NINJ2: variants seen among roughly 807,000 people sequenced by gnomAD.
NINJ2 encodes ninjurin 2.
In NINJ2, 12 loss-of-function variants were observed where a neutral mutation model predicts 11.7. The observed-to-expected ratio is 1.02, with a 90% CI of 0.66 to 1.66. NINJ2 has a LOEUF of 1.66. Ranked by LOEUF, NINJ2 falls within the 40% of genes most tolerant of loss-of-function variation. NINJ2 has a pLI of 0.00. For synonymous variants in NINJ2, 93 were observed against 76.8 expected, an observed-to-expected ratio of 1.21 and a Z score of -1.10; for missense variants, 187 against 181.8, an observed-to-expected ratio of 1.03 and a Z score of -0.16.
rs1432206729 is a variant in NINJ2 at position 614,447 on chromosome 12, CA to C, written c.34-48270del. Among the ~76,000 whole-genome samples, 1 of 151,730 alleles carries C rather than the reference CA, an allele frequency of 6.6e-6. No homozygotes were observed. Among genetic ancestry groups the C allele is most frequent in the Non-Finnish European group, 1.5e-5 (1 of 67,970 alleles). On this transcript the variant is annotated intron_variant, in intron 1 of 3. Transcript: ENST00000305108. This position sits in a 1 kb window ranked among gnomAD's most constrained non-coding sequence, Gnocchi z 5.1. ...ATCATCTGTGCGTGAGCTTCATGCC[CA>C]GGGGACATGGTGGGGTGGGGGTGGC...
chr12:565,319 A>G lies in NINJ2; in HGVS notation c.345T>C (p.Thr115=). The G allele has an allele frequency of 1.9e-6, 3 of 1,614,224 alleles. No homozygotes were observed. Among genetic ancestry groups the G allele is most frequent in the Non-Finnish European group, 2.5e-6 (3 of 1,180,032 alleles). ...CTGTAATGAAAACATTGATGACCACAGTGAAGAAGACCAAGATGGTGGCTG... is the reference window on the plus strand; with the variant it reads ...CTGTAATGAAAACATTGATGACCACGGTGAAGAAGACCAAGATGGTGGCTG... ...NNAATILVFF[T]VVINVFITAF... The change falls in exon 3 of 4, where the codon ACT becomes ACC. Residue 115 remains threonine (T), a synonymous_variant. Transcript: ENST00000305108.
At chr12:615,381 G>C (rs1372381810) in intron 1 of NINJ2, among the ~76,000 whole-genome samples, 3 of 152,084 alleles carry the variant, frequency 2.0e-5, no homozygotes, top group Non-Finnish European at 4.4e-5. Flanking sequence ...CTGAGGTCAG[G>C]AGTTCAAGAC....
intron 1 of NINJ2, among the ~76,000 whole-genome samples, chr12:574,468 G>T (rs1267050428): frequency 6.6e-6 from 1 of 152,108 alleles, no homozygotes; most frequent in East Asian, 1.9e-4. Context: ...ACTTTAAGAG[G>T]CAATTGGGTC....
At chr12:657,054 A>T (rs1937882352) in intron 1 of NINJ2, among the ~76,000 whole-genome samples, 1 of 152,228 alleles carries the variant, frequency 6.6e-6, no homozygotes, top group Non-Finnish European at 1.5e-5. Flanking sequence ...CTCATAAATG[A>T]TAATATAGGA....
rs1947629604 is a variant in NINJ2, at chr12:585,815, T to A, written c.34-19637A>T. On this transcript the variant is annotated intron_variant, in intron 1 of 3. Coordinates refer to ENST00000305108, the MANE Select transcript of NINJ2 (RefSeq NM_016533.6). This position sits in a 1 kb window ranked among gnomAD's most constrained non-coding sequence, Gnocchi z 4.1. ...CGGAGTTTGTGATTAATTACGGGAA[T>A]GGGTGCCAAGTGAGAGATACAAAGG... The A allele has an allele frequency of 1.3e-5, 2 of 152,266 alleles. No individual in the cohort carries two copies. The allele number at this position is 152,266 out of a possible 1,614,324, so 9.4% of individuals were successfully genotyped here. A position where few individuals can be genotyped will look rare whatever the true frequency, so the allele number is the denominator to read the frequency against.
Position 633,610 on chromosome 12 carries a change from G to A in NINJ2, c.33+29718C>T, listed in dbSNP as rs1412354498. ...GCAGGCAGATCACTTGAGGCCAGGA[G>A]TTCAAGACCAGCCTGGCCAACACGG... is the stretch of plus-strand genomic sequence containing the variant. On this transcript the variant is annotated intron_variant, in intron 1 of 3. Coordinates refer to ENST00000305108, the MANE Select transcript of NINJ2 (RefSeq NM_016533.6). This position sits in a 1 kb window ranked among gnomAD's most constrained non-coding sequence, Gnocchi z 4.3. Among the ~76,000 whole-genome samples, 5 of 152,192 alleles carry A rather than the reference G, an allele frequency of 3.3e-5. No homozygotes were observed. Among genetic ancestry groups the A allele is most frequent in the African/African-American group, 1.2e-4 (5 of 41,446 alleles).
At chr12:564,849 T>C (rs1437630854) in intron 3 of NINJ2, among the ~76,000 whole-genome samples, 168 bp from the exon 4 acceptor site, 1 of 152,238 alleles carries the variant, frequency 6.6e-6, no homozygotes, top group Non-Finnish European at 1.5e-5. Flanking sequence ...CTGGGTGGTT[T>C]GTGGATGCTG....
intron 1 of NINJ2, among the ~76,000 whole-genome samples, chr12:577,357 A>C (rs907981710): frequency 1.4e-5 from 2 of 147,960 alleles, no homozygotes; most frequent in East Asian, 3.9e-4. Flanking sequence ...AATATTTTCA[A>C]CTTACTATGG....
intron 1 of NINJ2, among the ~76,000 whole-genome samples, chr12:608,750 G>A (rs909487932): frequency 1.3e-5 from 2 of 152,160 alleles, no homozygotes; most frequent in African/African-American, 2.4e-5. Context: ...CAAGAGCTGA[G>A]GTGTCAGAGG....
chr12:583,325 C>T (rs1000686052), intron 1 of NINJ2, among the ~76,000 whole-genome samples: 2 of 152,228 alleles, frequency 1.3e-5, no homozygotes, highest in Non-Finnish European at 2.9e-5. Flanking sequence ...CAGGGCGATG[C>T]CCCAGGGCAG....
At chr12:657,938 A>G (rs2120544255) in intron 1 of NINJ2, among the ~76,000 whole-genome samples, 1 of 146,882 alleles carries the variant, frequency 6.8e-6, no homozygotes, top group East Asian at 2.1e-4. Flanking sequence ...AATCCTTGGT[A>G]TCTTCCCAAA....
chr12:611,123 G>A (rs1033700703), intron 1 of NINJ2, among the ~76,000 whole-genome samples: 1 of 152,138 alleles, frequency 6.6e-6, no homozygotes, highest in African/African-American at 2.4e-5. Flanking sequence ...CCTAAGTTAC[G>A]ATAGAGGAAG....
intron 1 of NINJ2, among the ~76,000 whole-genome samples, chr12:609,613 C>CAA (rs368661388): frequency 6.6e-5 from 10 of 150,802 alleles, no homozygotes; most frequent in African/African-American, 2.2e-4. Context: ...ACTAAAAATA[C>CAA]AAAAAAAATT....
At position 602,930 on chromosome 12, in the gene NINJ2, T is replaced by G. The variant is rs548338489; in HGVS notation, c.34-36752A>C. Among the ~76,000 whole-genome samples the G allele has an allele frequency of 5.7e-4, 87 of 152,200 alleles. 1 individual carries two copies. Among genetic ancestry groups the G allele is most frequent in the African/African-American group, 2.0e-3 (84 of 41,514 alleles). Reference sequence around the variant, plus strand: ...TAACTGAAGCCTGGACCTCCTGAGCTCAAGTGATCCTCCCACCCCAACCTC... The same window carrying G: ...TAACTGAAGCCTGGACCTCCTGAGCGCAAGTGATCCTCCCACCCCAACCTC... On this transcript the variant is annotated intron_variant, in intron 1 of 3. Transcript: ENST00000305108.
At chr12:590,065 C>T (rs1046721442) in intron 1 of NINJ2, among the ~76,000 whole-genome samples, 1 of 152,154 alleles carries the variant, frequency 6.6e-6, no homozygotes, top group Non-Finnish European at 1.5e-5. Context: ...GAAGGTTATC[C>T]GCAGCCAGTG....
At chr12:612,925 A>T (rs1033800251) in intron 1 of NINJ2, among the ~76,000 whole-genome samples, 3 of 152,208 alleles carry the variant, frequency 2.0e-5, no homozygotes, top group African/African-American at 7.2e-5. Context: ...TGATCGGCTG[A>T]TTGGTGAATC....
chr12:639,559 AAAAAGTCCCCATT>A (rs1446399421), intron 1 of NINJ2, among the ~76,000 whole-genome samples: 1 of 152,034 alleles, frequency 6.6e-6, no homozygotes, highest in Non-Finnish European at 1.5e-5. Context: ...AGAAAAGAAA[AAAAAGTCCCCATT>A]GCCACCCTAA....
chr12:578,245 C>T (rs1340678309), intron 1 of NINJ2, among the ~76,000 whole-genome samples: 2 of 152,160 alleles, frequency 1.3e-5, no homozygotes, highest in Non-Finnish European at 2.9e-5. Flanking sequence ...ATTGCTCACT[C>T]GGGGAGCTCG....
At chr12:595,314 G>A (rs1465766731) in intron 1 of NINJ2, among the ~76,000 whole-genome samples, 1 of 152,134 alleles carries the variant, frequency 6.6e-6, no homozygotes, top group Admixed American at 6.5e-5. Context: ...TCCATCCTAG[G>A]TTATTGTTAT....
Sources: gnomAD v4.1 joint callset for allele counts (sites outside exome capture counted in the v4.1 genomes callset) on GRCh38, gnomAD v4.1.1 for gene constraint, Gnocchi (gnomAD v3.1) non-coding constraint, MANE v1.5 for transcripts, NCBI Gene and HGNC (gene_info 2026-07-23, HGNC 2026-07-21) for gene names.